The following DYSF variants were observed in gnomAD, a reference collection of about 807,000 sequenced individuals.
DYSF encodes dystrophy-associated fer-1-like 1.
Under a neutral mutation model 274.9 loss-of-function variants are expected in DYSF, and 212 were observed. The observed-to-expected ratio is 0.77, with a 90% CI of 0.69 to 0.86. The LOEUF is 0.86. DYSF is among the 40% of genes least tolerant of loss of function. DYSF has a pLI of 0.00. For synonymous variants in DYSF, 1,091 were observed against 1,078.7 expected (o/e 1.01, Z -0.22); for missense variants, 2,666 against 2,783.2 (o/e 0.96, Z 0.95).
chr2:71,601,348 C>G, intron 34 of DYSF, 151 bp from the exon 35 acceptor site: 1 of 1,007,980 alleles, frequency 9.9e-7, no homozygotes, highest in Admixed American at 1.8e-5. Context: ...GGAATGGGCA[C>G]AGTGCCAGCC....
At chr2:71,608,599 C>G (rs1359064506) in intron 36 of DYSF, among the ~76,000 whole-genome samples, 1 of 152,174 alleles carries the variant, frequency 6.6e-6, no homozygotes, top group African/African-American at 2.4e-5. Flanking sequence ...CCTTCTTCCT[C>G]CAGGGCCTTC....
intron 1 of DYSF, among the ~76,000 whole-genome samples, chr2:71,455,594 T>C (rs1045043613): frequency 1.3e-5 from 2 of 152,190 alleles, no homozygotes; most frequent in African/African-American, 4.8e-5. Context: ...GCAGCCTGGC[T>C]GAGGGCTCTG....
At chr2:71,664,219 C>T (rs773337788) in intron 45 of DYSF, 49 bp from the exon 46 acceptor site, 1 of 1,612,446 alleles carries the variant, frequency 6.2e-7, no homozygotes, top group South Asian at 1.1e-5. Context: ...CCTGCCTGTC[C>T]CTTGGGTGCC....
At chr2:71,565,126 G>T (rs1199455899) in intron 24 of DYSF, among the ~76,000 whole-genome samples, 1 of 151,962 alleles carries the variant, frequency 6.6e-6, no homozygotes, top group African/African-American at 2.4e-5. Context: ...TATTGCCCAG[G>T]CTGGAGTGTA....
intron 1 of DYSF, among the ~76,000 whole-genome samples, chr2:71,476,938 C>T (rs2152670885): frequency 6.6e-6 from 1 of 151,780 alleles, no homozygotes; most frequent in East Asian, 1.9e-4. Flanking sequence ...AAGAGTGAGC[C>T]TGCCATTTCA....
In DYSF at chr2:71,539,210, A is replaced by G. The variant is rs1428558519; in HGVS notation, c.1547A>G (p.Lys516Arg). ...IVATTYLSMS[K>R]ISAPGGEIEV... is the part of the protein sequence containing the mutation. ...GCTACCACCTACCTGAGTATGTCGA[A>G]AATCTCTGCCCCTGGAGGAGAAATA... The change falls in exon 17 of 56, where the codon AAA becomes AGA. Residue 516 changes from lysine (K) to arginine (R), a missense_variant. By Grantham distance (26) the Lys-to-Arg change is conservative. Transcript: ENST00000410020. 6.2e-7 allele frequency: 1 copy of G among 1,614,074 alleles called. No individual in the cohort carries two copies.
At chr2:71,636,914 C>T (rs187329715) in intron 41 of DYSF, among the ~76,000 whole-genome samples, 9 of 152,170 alleles carry the variant, frequency 5.9e-5, no homozygotes, top group African/African-American at 1.4e-4. Context: ...CTCTGCAAGG[C>T]GAGGGGAGAT....
chr2:71,511,783 T>TC (rs1169022847), intron 4 of DYSF, 24 bp from the exon 5 acceptor site: 1 of 1,429,064 alleles, frequency 7.0e-7, no homozygotes, highest in African/African-American at 1.5e-5. Flanking sequence ...CACCAACCTG[T>TC]CCCCCACGTC....
chr2:71,560,233 G>C (rs1220498576), intron 22 of DYSF, among the ~76,000 whole-genome samples: 2 of 152,192 alleles, frequency 1.3e-5, no homozygotes, highest in Non-Finnish European at 2.9e-5. Flanking sequence ...AATGTTTCTT[G>C]GGGAGTCTTG....
chr2:71,481,069 C>G (rs763489937), intron 2 of DYSF, 131 bp downstream of exon 2: 12 of 911,792 alleles, frequency 1.3e-5, no homozygotes, highest in Non-Finnish European at 2.1e-5. Flanking sequence ...GGTGGTCCAG[C>G]CTGCCAACGA....
intron 42 of DYSF, among the ~76,000 whole-genome samples, chr2:71,653,424 T>C (rs13385222): frequency 6.6e-6 from 1 of 151,684 alleles, no homozygotes; most frequent in African/African-American, 2.4e-5. Flanking sequence ...TGTCCAACAA[T>C]GATAGACTGG....
Position 71,453,911 on chromosome 2 carries a change from A to AG in DYSF, c.-84dup. ...CTCGCCCAGCCAGCCCTCTCCAGCGAGGGGACCCACAAGCGGCGCCTCGGC... is the reference window on the plus strand; with the variant it reads ...CTCGCCCAGCCAGCCCTCTCCAGCGAGGGGGACCCACAAGCGGCGCCTCGGC... On this transcript the variant is annotated 5_prime_UTR_variant, in exon 1 of 55. Coordinates refer to the DYSF transcript ENST00000258104. 3 of 1,327,838 alleles carry AG rather than the reference A, an allele frequency of 2.3e-6. No homozygotes were observed. In the East Asian group the frequency reaches 7.2e-5, roughly 32 times the overall value. 82.3% of individuals were successfully genotyped at this position (1,327,838 alleles called of 1,614,324 possible).
At chr2:71,552,966 T>A (rs764586476) in intron 19 of DYSF, 45 bp from the exon 20 acceptor site, 7 of 1,610,638 alleles carry the variant, frequency 4.3e-6, no homozygotes, top group Non-Finnish European at 5.9e-6. Flanking sequence ...CTGGGTGCCT[T>A]TCTTTGCTCC....
At chr2:71,592,848 C>G (rs1056642424) in intron 32 of DYSF, among the ~76,000 whole-genome samples, 1 of 152,228 alleles carries the variant, frequency 6.6e-6, no homozygotes, top group Non-Finnish European at 1.5e-5. Context: ...GCTGCTCCTT[C>G]TCCCTGGTCG....
In DYSF at chr2:71,679,112, G is replaced by A; in HGVS notation, c.5940G>A (p.Lys1980=). 6.2e-7 allele frequency: 1 copy of A among 1,614,036 alleles called. No homozygotes were observed. Among genetic ancestry groups the A allele is most frequent in the Non-Finnish European group, 8.5e-7 (1 of 1,179,948 alleles). The change falls in exon 53 of 56, where the codon AAG becomes AAA. Residue 1980 remains lysine (K), a synonymous_variant. Transcript: ENST00000410020. ...RMPKPAKTAK[K]CSLDQLDDAF... ...CCAAGCCAGCCAAGACAGCCAAGAAGTGCTCCTTGGACCAGCTGGATGATG... is the reference window on the plus strand; with the variant it reads ...CCAAGCCAGCCAAGACAGCCAAGAAATGCTCCTTGGACCAGCTGGATGATG...
At position 71,481,947 on chromosome 2, in the gene DYSF, C is replaced by T. The variant is rs1397538150; in HGVS notation, c.216C>T (p.Asp72=). The change falls in exon 3 of 56, where the codon GAC becomes GAT. Residue 72 remains aspartate (D), a synonymous_variant. Coordinates refer to ENST00000410020, the MANE Select transcript of DYSF (RefSeq NM_001130987.2). ...CTGAGCTTCATGTGGTGGTCAAAGA[C>T]CATGAGACGATGGGGAGGAACAGGT... The part of the protein sequence containing the change: ...QGSELHVVVK[D]HETMGRNRFL... 1 of 1,613,984 alleles carries T rather than the reference C, an allele frequency of 6.2e-7. No homozygotes were observed. The highest frequency in any genetic ancestry group is 2.2e-5 in the East Asian group (1 of 44,890).
chr2:71,667,605 G>C (rs2095039471), intron 48 of DYSF, 90 bp downstream of exon 48: 2 of 1,565,418 alleles, frequency 1.3e-6, no homozygotes, highest in East Asian at 4.7e-5. Flanking sequence ...GGAGCCAGTG[G>C]GTCCCTTGAG....
intron 16 of DYSF, among the ~76,000 whole-genome samples, chr2:71,536,197 C>T (rs1004339140): frequency 6.6e-6 from 1 of 152,304 alleles, no homozygotes; most frequent in Non-Finnish European, 1.5e-5. Flanking sequence ...TTTCTTTGCC[C>T]CCAAGAAGTC....
intron 14 of DYSF, among the ~76,000 whole-genome samples, chr2:71,531,469 C>T (rs2088693633): frequency 6.6e-6 from 1 of 151,908 alleles, no homozygotes; most frequent in African/African-American, 2.4e-5. Context: ...GACTCTCTGC[C>T]TCCCCGCTCC....
Sources: allele counts gnomAD v4.1 joint callset (sites outside exome capture counted in the v4.1 genomes callset), GRCh38; gene constraint gnomAD v4.1.1; transcripts MANE v1.5; gene names NCBI Gene and HGNC (gene_info 2026-07-23, HGNC 2026-07-21).